PID1: variants seen among roughly 807,000 people sequenced by gnomAD.
PID1 encodes phosphotyrosine interaction domain containing 1, also known as PTB-containing, cubilin and LRP1-interacting protein.
PID1 carries 10 observed loss-of-function variants against 19.1 expected under a neutral mutation model. The observed-to-expected ratio is 0.52, with a 90% confidence interval of 0.32 to 0.89. The LOEUF is 0.89. Ranked by LOEUF, PID1 falls within the 40% of genes least tolerant of loss-of-function variation. PID1 has a pLI of 0.03. For synonymous variants in PID1, 130 were observed against 116.0 expected (o/e 1.12, Z -0.78); for missense variants, 248 against 285.3 (o/e 0.87, Z 0.94).
At chr2:229,161,075 G>A (rs1418523835) in intron 1 of PID1, among the ~76,000 whole-genome samples, 1 of 152,138 alleles carries the variant, frequency 6.6e-6, no homozygotes, top group Non-Finnish European at 1.5e-5. Context: ...CAAAGAATAT[G>A]CAACATGACA....
chr2:229,110,217 G>A (rs1185427644), intron 2 of PID1, among the ~76,000 whole-genome samples: 1 of 152,178 alleles, frequency 6.6e-6, no homozygotes, highest in Non-Finnish European at 1.5e-5. Context: ...ATGTGCCATG[G>A]ATGTCCAAGC....
At chr2:229,219,313 T>A (rs1212759159) in intron 1 of PID1, among the ~76,000 whole-genome samples, 1 of 152,186 alleles carries the variant, frequency 6.6e-6, no homozygotes, top group Non-Finnish European at 1.5e-5. Flanking sequence ...CTTACAATCA[T>A]GGCAAAAGGG....
intron 1 of PID1, among the ~76,000 whole-genome samples, chr2:229,172,660 C>G (rs1225787945): frequency 6.6e-6 from 1 of 152,132 alleles, no homozygotes; most frequent in African/African-American, 2.4e-5. Context: ...TCTGTAAAGG[C>G]CTTATATCCA....
chr2:229,096,626 GATA>G (rs1305424332), intron 2 of PID1, among the ~76,000 whole-genome samples: 1 of 152,106 alleles, frequency 6.6e-6, no homozygotes, highest in Non-Finnish European at 1.5e-5. Context: ...TGAGCTAGAT[GATA>G]ATAATATAAA....
chr2:229,149,206 C>A (rs1290612828), intron 2 of PID1, among the ~76,000 whole-genome samples: 1 of 151,942 alleles, frequency 6.6e-6, no homozygotes, highest in Non-Finnish European at 1.5e-5. Flanking sequence ...TGTAGAGATG[C>A]ATGTGATGAG....
At chr2:229,266,762 A>T (rs1321546376) in intron 1 of PID1, among the ~76,000 whole-genome samples, 1 of 152,220 alleles carries the variant, frequency 6.6e-6, no homozygotes, top group African/African-American at 2.4e-5. Context: ...TACAGGATGC[A>T]AATGAGCCAG....
At chr2:229,062,862 A>G (rs1223464210) in intron 2 of PID1, among the ~76,000 whole-genome samples, 1 of 151,842 alleles carries the variant, frequency 6.6e-6, no homozygotes, top group African/African-American at 2.4e-5. Context: ...GTCTTGGCAG[A>G]TTCTAGGAAT....
chr2:229,217,495 A>T (rs1035117510), intron 1 of PID1, among the ~76,000 whole-genome samples: 2 of 152,178 alleles, frequency 1.3e-5, no homozygotes, highest in Non-Finnish European at 2.9e-5. Context: ...AGAGAGATGG[A>T]GGGTGAGAGA....
intron 1 of PID1, among the ~76,000 whole-genome samples, chr2:229,222,234 C>T (rs570935884): frequency 1.1e-3 from 171 of 152,292 alleles, no homozygotes; most frequent in African/African-American, 4.0e-3. Context: ...TCCACTTACC[C>T]TGAATCACAT....
rs1049505463 is a variant in PID1, at chr2:229,054,649, G to C, written c.178-28541C>G. ...AGGTTATCTGATTGTGGTTATAAGGGAGTATTTTACAACTGCTGCAATTCC... is the reference window on the plus strand; with the variant it reads ...AGGTTATCTGATTGTGGTTATAAGGCAGTATTTTACAACTGCTGCAATTCC... On this transcript the variant is annotated intron_variant, in intron 2 of 2. Coordinates refer to ENST00000392055, the MANE Select transcript of PID1 (RefSeq NM_001100818.2). Among the ~76,000 whole-genome samples the C allele has an allele frequency of 2.3e-4, 31 of 137,328 alleles. No individual in the cohort carries two copies. In the Admixed American group the frequency reaches 2.5e-3, roughly 11 times the overall value. 90.1% of individuals were successfully genotyped at this position (137,328 alleles called of 152,430 possible). A position where few individuals can be genotyped will look rare whatever the true frequency, so the allele number is the denominator to read the frequency against.
At chr2:229,132,632 T>G (rs1689767314) in intron 2 of PID1, among the ~76,000 whole-genome samples, 2 of 152,336 alleles carry the variant, frequency 1.3e-5, no homozygotes, top group South Asian at 4.1e-4. Context: ...TGTAATTAAA[T>G]GTTTGATTAG....
Position 229,060,795 on chromosome 2 carries a change from T to C in PID1, c.178-34687A>G, listed in dbSNP as rs193001165. 4.0e-3 allele frequency among the ~76,000 whole-genome samples: 613 copies of C among 152,270 alleles called. 5 individuals are homozygous for C. The highest frequency in any genetic ancestry group is 0.014 in the African/African-American group (601 of 41,556). ...GCCAACACTTCTTACCATCTGTCTT[T>C]TTTTAAAAATAGCCATTTTACCAGG... On this transcript the variant is annotated intron_variant, in intron 2 of 2. Coordinates refer to ENST00000392055, the MANE Select transcript of PID1 (RefSeq NM_001100818.2).
intron 2 of PID1, among the ~76,000 whole-genome samples, chr2:229,095,183 C>A (rs2106222839): frequency 6.6e-6 from 1 of 152,212 alleles, no homozygotes; most frequent in African/African-American, 2.4e-5. Context: ...AAACACACAA[C>A]TGGAAAACAT....
chr2:229,049,298 A>G (rs1001929167), intron 2 of PID1, among the ~76,000 whole-genome samples: 7 of 152,002 alleles, frequency 4.6e-5, no homozygotes, highest in Admixed American at 2.0e-4. Flanking sequence ...GGCAATCTGT[A>G]TTTCTTCTTT....
intron 2 of PID1, among the ~76,000 whole-genome samples, chr2:229,081,633 G>T (rs146152575): frequency 6.6e-6 from 1 of 152,136 alleles, no homozygotes; most frequent in African/African-American, 2.4e-5. Flanking sequence ...AATATGAGAC[G>T]CTCTAAGCTT....
chr2:229,050,596 A>G (rs1055694902), intron 2 of PID1, among the ~76,000 whole-genome samples: 6 of 152,170 alleles, frequency 3.9e-5, no homozygotes, highest in African/African-American at 1.4e-4. Flanking sequence ...GAAGAGTCCC[A>G]TGAAGCTGCG....
At chr2:229,210,223 G>A (rs1344882750) in intron 1 of PID1, among the ~76,000 whole-genome samples, 1 of 151,702 alleles carries the variant, frequency 6.6e-6, no homozygotes, top group Non-Finnish European at 1.5e-5. Flanking sequence ...CAAAAACCTA[G>A]AAGGCAAGGC....
At chr2:229,182,890 A>T (rs1464099529) in intron 1 of PID1, among the ~76,000 whole-genome samples, 2 of 152,178 alleles carry the variant, frequency 1.3e-5, no homozygotes, top group Non-Finnish European at 2.9e-5. Flanking sequence ...TTCTCACTGT[A>T]GTCCCTTAAT....
rs145470937 is a variant in PID1 at position 229,214,155 on chromosome 2, C to T, written c.30+56859G>A. Among the ~76,000 whole-genome samples the T allele has an allele frequency of 2.0e-5, 3 of 152,264 alleles. No homozygotes were observed. The East Asian group carries it at 5.8e-4, about 29-fold the overall frequency. ...TAGGTAGCATAACTTTTCATTCATA[C>T]CATTTTGTGTGGTTAACATCAGTAG... On this transcript the variant is annotated intron_variant, in intron 1 of 2. Coordinates refer to ENST00000392055, the MANE Select transcript of PID1 (RefSeq NM_001100818.2).
Sources: allele counts gnomAD v4.1 joint callset (sites outside exome capture counted in the v4.1 genomes callset), GRCh38; gene constraint gnomAD v4.1.1; transcripts MANE v1.5; gene names NCBI Gene and HGNC (gene_info 2026-07-23, HGNC 2026-07-21).